Variants in PRKCQ observed in about 807,000 individuals in gnomAD.
The protein encoded by PRKCQ is protein kinase C theta type.
A neutral mutation model predicts 91.2 loss-of-function variants in PRKCQ; 41 were observed. The ratio of observed to expected loss-of-function variants is 0.45; its 90% CI spans 0.35 to 0.58. The LOEUF (loss-of-function observed/expected upper bound fraction) is 0.58. Among genes scored for constraint, PRKCQ ranks in the 20% least tolerant of loss-of-function variants. PRKCQ has a pLI of 0.00. For synonymous variants in PRKCQ, 307 were observed against 316.9 expected, an observed-to-expected ratio of 0.97 and a Z score of 0.33; for missense variants, 673 against 896.5, an observed-to-expected ratio of 0.75 and a Z score of 3.18.
intron 1 of PRKCQ, among the ~76,000 whole-genome samples, chr10:6,520,139 A>C (rs1430464686): frequency 6.6e-6 from 1 of 152,154 alleles, no homozygotes; most frequent in African/African-American, 2.4e-5. Context: ...CTGAGCAATA[A>C]AGTCACGCAT....
chr10:6,529,282 T>G (rs1839305973), intron 1 of PRKCQ, among the ~76,000 whole-genome samples: 2 of 152,360 alleles, frequency 1.3e-5, no homozygotes, highest in South Asian at 4.1e-4. Flanking sequence ...AGATGCTGCC[T>G]TCTGTAGGAG....
At chr10:6,422,405 G>C (rs1409113655), downstream of PRKCQ, among the ~76,000 whole-genome samples, 2 of 152,170 alleles carry the variant, frequency 1.3e-5, no homozygotes, top group Non-Finnish European at 2.9e-5. Context: ...GTGAGGCTGG[G>C]TGTGACCCGG....
At chr10:6,520,639 C>G (rs1035047186) in intron 1 of PRKCQ, among the ~76,000 whole-genome samples, 1 of 152,128 alleles carries the variant, frequency 6.6e-6, no homozygotes, top group Admixed American at 6.5e-5. Flanking sequence ...CTCTTGGAAG[C>G]CTTCCTTCCC....
intron 1 of PRKCQ, among the ~76,000 whole-genome samples, chr10:6,544,143 A>G (rs1456594095): frequency 6.6e-6 from 1 of 152,218 alleles, no homozygotes; most frequent in Non-Finnish European, 1.5e-5. Flanking sequence ...TGGAAGAATC[A>G]AAGGGTTATG....
chr10:6,580,029 G>A (rs925770724), intron 1 of PRKCQ, among the ~76,000 whole-genome samples, 182 bp downstream of exon 1: 1 of 152,188 alleles, frequency 6.6e-6, no homozygotes, highest in South Asian at 2.1e-4. Context: ...AACCCAGCGG[G>A]GAAATTCTTC....
rs1837744468 is a variant in PRKCQ at position 6,498,576 on chromosome 10, G to C, written c.380-18C>G. On this transcript the variant is annotated intron_variant, in intron 4 of 17. Transcript: ENST00000263125. Reference sequence around the variant, plus strand: ...CTTTGTGTCTACAGGAAGAGAGAGGGGAAGAAAGTGAAGTTCTGCAAAAGG... The same window carrying C: ...CTTTGTGTCTACAGGAAGAGAGAGGCGAAGAAAGTGAAGTTCTGCAAAAGG... The C allele has an allele frequency of 6.2e-7, 1 of 1,611,380 alleles. No homozygotes were observed. The highest frequency in any genetic ancestry group is 1.3e-5 in the African/African-American group (1 of 74,984).
intron 12 of PRKCQ, among the ~76,000 whole-genome samples, chr10:6,472,896 G>A (rs1002550762): frequency 6.6e-6 from 1 of 151,952 alleles, no homozygotes; most frequent in Non-Finnish European, 1.5e-5. Flanking sequence ...TATTTTTAGT[G>A]GAGACAGAGT....
At chr10:6,421,371 G>A in the PRKCQ span, among the ~76,000 whole-genome samples, 1 of 152,178 alleles carries the variant, frequency 6.6e-6, no homozygotes, top group African/African-American at 2.4e-5. This position sits in a 1 kb window ranked among gnomAD's most constrained non-coding sequence, Gnocchi z 4.1. Flanking sequence ...TGTGGTCCCA[G>A]CTACTTGGGA....
intron 1 of PRKCQ, among the ~76,000 whole-genome samples, chr10:6,533,284 A>T (rs1839459972): frequency 6.6e-6 from 1 of 152,106 alleles, no homozygotes; most frequent in Non-Finnish European, 1.5e-5. Flanking sequence ...TGCAACCACC[A>T]TCTCCCGAGT....
chr10:6,419,750 G>A, the PRKCQ span, among the ~76,000 whole-genome samples: 6 of 143,918 alleles, frequency 4.2e-5, no homozygotes, highest in African/African-American at 1.3e-4. Context: ...GTGCAGTGGC[G>A]CCATCTTGGC....
At chr10:6,414,617 T>A in the PRKCQ span, among the ~76,000 whole-genome samples, 31 of 152,294 alleles carry the variant, frequency 2.0e-4, no homozygotes, top group Non-Finnish European at 2.1e-4. Context: ...AAAATATCTC[T>A]TAACAATTGA....
At chr10:6,446,396 G>A (rs750427421) in intron 15 of PRKCQ, among the ~76,000 whole-genome samples, 2 of 118,118 alleles carry the variant, frequency 1.7e-5, no homozygotes, top group African/African-American at 3.3e-5. Context: ...ACAGAGTCTC[G>A]CTTATGTTGG....
chr10:6,578,989 T>C (rs1231475886), intron 1 of PRKCQ, among the ~76,000 whole-genome samples: 5 of 152,154 alleles, frequency 3.3e-5, no homozygotes, highest in South Asian at 2.1e-4. Context: ...CCATGGCTTC[T>C]AGGGAGCAAA....
chr10:6,408,397 G>A, the PRKCQ span, among the ~76,000 whole-genome samples: 2 of 151,908 alleles, frequency 1.3e-5, no homozygotes, highest in Non-Finnish European at 2.9e-5. Context: ...CACTCTTGTC[G>A]CCCCCGCTAT....
chr10:6,489,532 G>T (rs1224485271), intron 8 of PRKCQ: 1 of 498,662 alleles, frequency 2.0e-6, no homozygotes, highest in Non-Finnish European at 4.1e-6. Flanking sequence ...CGGCCTGCAA[G>T]GAGGCAGGAT....
chr10:6,419,023 CATCT>C, the PRKCQ span, among the ~76,000 whole-genome samples: 3 of 139,768 alleles, frequency 2.1e-5, no homozygotes, highest in Non-Finnish European at 3.2e-5. Context: ...ATGTATCTAT[CATCT>C]ATCTACCTAT....
chr10:6,451,435 A>G (rs1347869806), intron 15 of PRKCQ, among the ~76,000 whole-genome samples: 3 of 152,216 alleles, frequency 2.0e-5, no homozygotes, highest in Non-Finnish European at 4.4e-5. Flanking sequence ...GCAATAATCA[A>G]TAGCTTACCA....
At chr10:6,545,262 T>A (rs1455850067) in intron 1 of PRKCQ, among the ~76,000 whole-genome samples, 2 of 152,244 alleles carry the variant, frequency 1.3e-5, no homozygotes, top group Non-Finnish European at 2.9e-5. Flanking sequence ...TTATCATGGC[T>A]CAAAGCACTG....
At chr10:6,514,973 G>C in intron 2 of PRKCQ, 45 bp downstream of exon 2, 1 of 1,611,148 alleles carries the variant, frequency 6.2e-7, no homozygotes, top group South Asian at 1.1e-5. Flanking sequence ...TTCATAGCAG[G>C]ATTCTCCTCC....
Sources: gnomAD v4.1 joint callset for allele counts (sites outside exome capture counted in the v4.1 genomes callset) on GRCh38, gnomAD v4.1.1 for gene constraint, Gnocchi (gnomAD v3.1) non-coding constraint, MANE v1.5 for transcripts, NCBI Gene and HGNC (gene_info 2026-07-23, HGNC 2026-07-21) for gene names.